The following SPMIP7 variants were observed in gnomAD, a reference collection of about 807,000 sequenced individuals.
SPMIP7 encodes the protein sperm microtubule inner protein 7.
chr7:50,133,507 T>G, the SPMIP7 span, among the ~76,000 whole-genome samples: 1 of 152,164 alleles, frequency 6.6e-6, no homozygotes, highest in Non-Finnish European at 1.5e-5. Context: ...TTTTGGAAAC[T>G]GTAAGATGTA....
chr7:50,154,595 C>T, the SPMIP7 span, among the ~76,000 whole-genome samples: 1 of 152,184 alleles, frequency 6.6e-6, no homozygotes, highest in African/African-American at 2.4e-5. Flanking sequence ...GAATAATATT[C>T]CATTTTCTTT....
the SPMIP7 span, among the ~76,000 whole-genome samples, chr7:50,119,131 T>A: frequency 6.6e-6 from 1 of 152,060 alleles, no homozygotes; most frequent in Non-Finnish European, 1.5e-5. Flanking sequence ...GAACCCATGG[T>A]CCTCTCCCTA....
At chr7:50,153,081 G>T in the SPMIP7 span, among the ~76,000 whole-genome samples, 1 of 152,186 alleles carries the variant, frequency 6.6e-6, no homozygotes, top group Non-Finnish European at 1.5e-5. Context: ...GCTTTTAGGA[G>T]CTTATTTTCT....
the SPMIP7 span, among the ~76,000 whole-genome samples, chr7:50,132,627 T>A: frequency 3.9e-5 from 6 of 152,146 alleles, no homozygotes; most frequent in Non-Finnish European, 8.8e-5. Context: ...CACAGATTAA[T>A]TTCTTACATA....
the SPMIP7 span, among the ~76,000 whole-genome samples, chr7:50,138,869 G>A: frequency 1.5e-4 from 23 of 151,858 alleles, no homozygotes; most frequent in African/African-American, 4.1e-4. Flanking sequence ...GTGACAGTAC[G>A]GAGAAGAATA....
chr7:50,125,666 T>C, the SPMIP7 span, among the ~76,000 whole-genome samples: 9 of 151,126 alleles, frequency 6.0e-5, no homozygotes, highest in South Asian at 1.9e-3. Flanking sequence ...GAAAAAGAAC[T>C]TCCATTTACC....
chr7:50,112,987 C>T, the SPMIP7 span, among the ~76,000 whole-genome samples: 116,810 of 150,400 alleles, frequency 0.78, 45,503 homozygotes, highest in East Asian at 0.88. Flanking sequence ...AGGAAAAACC[C>T]ACTGTAAAGA....
the SPMIP7 span, among the ~76,000 whole-genome samples, chr7:50,110,450 T>A: frequency 6.8e-6 from 1 of 147,238 alleles, no homozygotes; most frequent in African/African-American, 2.5e-5. Context: ...TTATATATTA[T>A]ATATTGTATA....
At chr7:50,125,231 TATATATACACATATATACAC>T in the SPMIP7 span, among the ~76,000 whole-genome samples, 1 of 38,502 alleles carries the variant, frequency 2.6e-5, no homozygotes, top group Non-Finnish European at 4.6e-5. Context: ...TATATACACA[TATATATACACATATATACAC>T]ATATATATAC....
the SPMIP7 span, among the ~76,000 whole-genome samples, chr7:50,128,889 A>G: frequency 1.3e-5 from 2 of 152,012 alleles, no homozygotes; most frequent in Non-Finnish European, 2.9e-5. Flanking sequence ...TAAACAAATT[A>G]CATTGAATCT....
At chr7:50,131,586 C>T in the SPMIP7 span, among the ~76,000 whole-genome samples, 1 of 151,896 alleles carries the variant, frequency 6.6e-6, no homozygotes, top group African/African-American at 2.4e-5. Context: ...GTCCTGGCAT[C>T]TCGTTAAAAA....
At chr7:50,151,844 G>A in the SPMIP7 span, among the ~76,000 whole-genome samples, 2 of 152,266 alleles carry the variant, frequency 1.3e-5, no homozygotes, top group African/African-American at 4.8e-5. Context: ...GGCATATGAA[G>A]GTATTTCAGG....
chr7:50,125,203 TACACATATATATAC>T, the SPMIP7 span, among the ~76,000 whole-genome samples: 1 of 26,358 alleles, frequency 3.8e-5, no homozygotes, highest in African/African-American at 1.0e-4. Flanking sequence ...CACATATATA[TACACATATATATAC>T]ACATATATAC....
the SPMIP7 span, among the ~76,000 whole-genome samples, chr7:50,116,854 C>G: frequency 1.3e-5 from 2 of 152,140 alleles, no homozygotes; most frequent in African/African-American, 4.8e-5. Flanking sequence ...TCATAAGGGT[C>G]ACAATGTTTT....
the SPMIP7 span, among the ~76,000 whole-genome samples, chr7:50,113,536 C>T: frequency 6.6e-6 from 1 of 152,080 alleles, no homozygotes; most frequent in African/African-American, 2.4e-5. Flanking sequence ...AAAAATACAT[C>T]TGAAGTAAAA....
the SPMIP7 span, among the ~76,000 whole-genome samples, chr7:50,107,362 C>CAAAAAAAAAAAAAAAAAAAAAAAAAAA: frequency 2.4e-4 from 4 of 16,648 alleles, no homozygotes; most frequent in Non-Finnish European, 3.0e-4. Flanking sequence ...GACTCTGTCT[C>CAAAAAAAAAAAAAAAAAAAAAAAAAAA]AAAAAAAAAA....
the SPMIP7 span, among the ~76,000 whole-genome samples, chr7:50,122,726 A>C: frequency 6.6e-6 from 1 of 151,932 alleles, no homozygotes; most frequent in Non-Finnish European, 1.5e-5. Context: ...ACAAGAAAAA[A>C]ACAAACAGCC....
the SPMIP7 span, chr7:50,141,952 T>G: frequency 6.6e-6 from 1 of 152,200 alleles, no homozygotes; most frequent in Non-Finnish European, 1.5e-5. Context: ...ATGGTCTCGA[T>G]CTCCTGACCC....
chr7:50,134,046 G>A, the SPMIP7 span: 4 of 1,402,900 alleles, frequency 2.9e-6, no homozygotes, highest in Non-Finnish European at 3.8e-6. Flanking sequence ...GTATCATATT[G>A]TTATAAACTT....
Sources: gnomAD v4.1 joint callset for allele counts (sites outside exome capture counted in the v4.1 genomes callset) on GRCh38, gnomAD v4.1.1 for gene constraint, MANE v1.5 for transcripts, NCBI Gene and HGNC (gene_info 2026-07-23, HGNC 2026-07-21) for gene names.